CACNA2D1: variants seen among roughly 807,000 people sequenced by gnomAD.
The protein encoded by CACNA2D1 is calcium voltage-gated channel auxiliary subunit alpha2delta 1.
CACNA2D1 carries 53 observed loss-of-function variants against 171.5 expected under a neutral mutation model. That is an observed-to-expected ratio of 0.31 (90% CI 0.25 to 0.39). CACNA2D1 has a LOEUF of 0.39. CACNA2D1 is among the 10% of genes least tolerant of loss of function. The probability of loss-of-function intolerance (pLI) is 1.00; values close to 1 mark genes in which losing one functional copy is unlikely to be tolerated. For missense variants in CACNA2D1, 903 were observed against 1,299.8 expected (o/e 0.69, Z 4.69); for synonymous variants, 442 against 443.1 (o/e 1.00, Z 0.03).
At chr7:82,099,925 A>G (rs935299897) in intron 6 of CACNA2D1, among the ~76,000 whole-genome samples, 3 of 152,164 alleles carry the variant, frequency 2.0e-5, no homozygotes, top group Non-Finnish European at 4.4e-5. Context: ...ACACACACTG[A>G]GGCCTGTCAG....
At chr7:82,105,794 A>G (rs1365878648) in intron 6 of CACNA2D1, among the ~76,000 whole-genome samples, 1 of 152,178 alleles carries the variant, frequency 6.6e-6, no homozygotes, top group African/African-American at 2.4e-5. Flanking sequence ...AATCTAGGTG[A>G]ATACAAGATA....
chr7:82,059,454 T>G (rs986475611), intron 10 of CACNA2D1, among the ~76,000 whole-genome samples: 1 of 152,192 alleles, frequency 6.6e-6, no homozygotes, highest in African/African-American at 2.4e-5. Context: ...ACATTATAGA[T>G]ATGTGTCCAA....
At chr7:82,323,117 G>T (rs1173863538) in intron 3 of CACNA2D1, among the ~76,000 whole-genome samples, 3 of 152,118 alleles carry the variant, frequency 2.0e-5, no homozygotes, top group Admixed American at 6.5e-5. Flanking sequence ...GGGATACCAT[G>T]AAGTTCTCTT....
chr7:82,227,469 T>C (rs980412086), intron 3 of CACNA2D1, among the ~76,000 whole-genome samples: 1 of 152,246 alleles, frequency 6.6e-6, no homozygotes, highest in African/African-American at 2.4e-5. Flanking sequence ...GTGATTAGTT[T>C]AGGAAGCTAT....
Position 82,109,285 on chromosome 7 carries a change from C to T in CACNA2D1, c.526+7759G>A, listed in dbSNP as rs565855411. On this transcript the variant is annotated intron_variant, in intron 6 of 38. Coordinates refer to ENST00000356860, the MANE Select transcript of CACNA2D1 (RefSeq NM_000722.4). ...AATAAACACAAAACTTAAGAAGGTCCTACTGATGAAAACTCTTTTATGATT... is the reference window on the plus strand; with the variant it reads ...AATAAACACAAAACTTAAGAAGGTCTTACTGATGAAAACTCTTTTATGATT... Among the ~76,000 whole-genome samples, 117 of 152,080 alleles carry T rather than the reference C, an allele frequency of 7.7e-4. 1 individual carries two copies. Among genetic ancestry groups the T allele is most frequent in the African/African-American group, 2.7e-3 (113 of 41,504 alleles).
chr7:82,115,744 A>T (rs948311426), intron 6 of CACNA2D1, among the ~76,000 whole-genome samples: 5 of 123,400 alleles, frequency 4.1e-5, no homozygotes, highest in Middle Eastern at 4.2e-3. Flanking sequence ...CAAAGTGAAT[A>T]AAAAAAAAAA....
At chr7:82,273,817 TAGAA>T (rs1808955709) in intron 3 of CACNA2D1, among the ~76,000 whole-genome samples, 1 of 152,176 alleles carries the variant, frequency 6.6e-6, no homozygotes, top group Non-Finnish European at 1.5e-5. Context: ...TATGTAAGAA[TAGAA>T]AGAAGAATGA....
At chr7:82,298,560 A>C (rs182914357) in intron 3 of CACNA2D1, among the ~76,000 whole-genome samples, 1 of 151,450 alleles carries the variant, frequency 6.6e-6, no homozygotes, top group African/African-American at 2.4e-5. Flanking sequence ...TTTATTTTTA[A>C]AAAGAGTGCA....
rs1273980376 is a variant in CACNA2D1, at chr7:81,948,769, AATT to A, written c.*1620_*1622del. ...TCTACATACGTTCAGCCTTCAGTAAAATTATTAACTATTCTTAGAATTACACAT... is the reference window on the plus strand; with the variant it reads ...TCTACATACGTTCAGCCTTCAGTAAAATTAACTATTCTTAGAATTACACAT... On this transcript the variant is annotated 3_prime_UTR_variant, in exon 39 of 39. Transcript: ENST00000356860. 4 of 151,918 alleles carry A rather than the reference AATT, an allele frequency of 2.6e-5. No homozygotes were observed. Among genetic ancestry groups the A allele is most frequent in the African/African-American group, 7.2e-5 (3 of 41,414 alleles). The allele number at this position is 151,918 out of a possible 1,614,324, so 9.4% of individuals were successfully genotyped here. A position where few individuals can be genotyped will look rare whatever the true frequency, so the allele number is the denominator to read the frequency against.
At chr7:82,181,270 C>T (rs898807622) in intron 3 of CACNA2D1, among the ~76,000 whole-genome samples, 15 of 151,910 alleles carry the variant, frequency 9.9e-5, no homozygotes, top group Admixed American at 2.6e-4. Flanking sequence ...GCCAGCTTGT[C>T]AAAGTGTTCA....
intron 3 of CACNA2D1, among the ~76,000 whole-genome samples, chr7:82,291,271 G>C (rs1249298592): frequency 1.5e-5 from 2 of 136,406 alleles, no homozygotes; most frequent in Non-Finnish European, 3.1e-5. Context: ...AGAATATAGT[G>C]TATATATAAT....
intron 3 of CACNA2D1, among the ~76,000 whole-genome samples, chr7:82,283,966 A>G (rs895591498): frequency 2.0e-5 from 3 of 152,090 alleles, no homozygotes. Context: ...AAAACAATGA[A>G]AGCATAAATT....
intron 1 of CACNA2D1, among the ~76,000 whole-genome samples, chr7:82,388,404 G>A (rs1824675174): frequency 6.6e-6 from 1 of 152,154 alleles, no homozygotes; most frequent in Non-Finnish European, 1.5e-5. Context: ...TTTTCTGAGA[G>A]CAAAACTCAC....
intron 10 of CACNA2D1, among the ~76,000 whole-genome samples, chr7:82,038,985 G>C (rs764651210): frequency 6.6e-6 from 1 of 152,148 alleles, no homozygotes; most frequent in Non-Finnish European, 1.5e-5. Context: ...TTTCCAAAAA[G>C]AAAGAACAAT....
intron 6 of CACNA2D1, among the ~76,000 whole-genome samples, chr7:82,111,797 A>G (rs546674670): frequency 1.0e-3 from 155 of 152,166 alleles, no homozygotes; most frequent in Middle Eastern, 3.4e-3. Flanking sequence ...TCAAGGTATA[A>G]TTACAAAATA....
chr7:82,268,583 A>C (rs1808221103), intron 3 of CACNA2D1, among the ~76,000 whole-genome samples: 1 of 152,048 alleles, frequency 6.6e-6, no homozygotes, highest in Non-Finnish European at 1.5e-5. Context: ...CAGAAGAGTT[A>C]ATTATTGGGG....
At chr7:82,029,048 C>A (rs1802310735) in intron 12 of CACNA2D1, 1 of 151,726 alleles carries the variant, frequency 6.6e-6, no homozygotes, top group African/African-American at 2.4e-5. Flanking sequence ...ACAGAGAAAT[C>A]TTTTGTGAAA....
intron 3 of CACNA2D1, among the ~76,000 whole-genome samples, chr7:82,175,606 A>G (rs1251416967): frequency 1.3e-5 from 2 of 152,062 alleles, no homozygotes; most frequent in African/African-American, 2.4e-5. Flanking sequence ...ACAGACTTCA[A>G]TGTTCGAAAG....
intron 5 of CACNA2D1, among the ~76,000 whole-genome samples, chr7:82,117,697 C>T (rs1315597851): frequency 6.6e-6 from 1 of 152,088 alleles, no homozygotes; most frequent in Non-Finnish European, 1.5e-5. Flanking sequence ...CAAAAGATCG[C>T]TTGTGCATGG....
Sources: allele counts gnomAD v4.1 joint callset (sites outside exome capture counted in the v4.1 genomes callset), GRCh38; gene constraint gnomAD v4.1.1; transcripts MANE v1.5; gene names NCBI Gene and HGNC (gene_info 2026-07-23, HGNC 2026-07-21).